Variants in CFAP46 observed in about 807,000 individuals in gnomAD.
CFAP46 encodes the protein cilia- and flagella-associated protein 46.
Under a neutral mutation model 325.7 loss-of-function variants are expected in CFAP46, and 245 were observed. The observed-to-expected ratio is 0.75, with a 90% CI of 0.68 to 0.84. The LOEUF (loss-of-function observed/expected upper bound fraction) is 0.84. Among genes scored for constraint, CFAP46 ranks in the 40% least tolerant of loss-of-function variants. The pLI is 0.00. For missense variants in CFAP46, 3,346 were observed against 3,543.0 expected, an observed-to-expected ratio of 0.94 and a Z score of 1.41; for synonymous variants, 1,523 against 1,495.9, an observed-to-expected ratio of 1.02 and a Z score of -0.42.
At chr10:132,825,722 C>T (rs1275946305) in intron 50 of CFAP46, among the ~76,000 whole-genome samples, 2 of 152,148 alleles carry the variant, frequency 1.3e-5, no homozygotes, top group Admixed American at 1.3e-4. Flanking sequence ...TTCATATAAA[C>T]AATAAAAATT....
intron 22 of CFAP46, among the ~76,000 whole-genome samples, chr10:132,906,259 G>A (rs900969649): frequency 2.6e-5 from 4 of 152,208 alleles, no homozygotes; most frequent in Admixed American, 6.5e-5. Flanking sequence ...GGCAGGGCTC[G>A]CAGCCTCCTG....
intron 50 of CFAP46, among the ~76,000 whole-genome samples, chr10:132,822,007 TGTGCTGATGTGTGCTGTGTGA>T (rs1337888829): frequency 2.1e-5 from 3 of 140,106 alleles, no homozygotes; most frequent in Non-Finnish European, 4.6e-5. Flanking sequence ...GTGTGCTGTG[TGTGCTGATGTGTGCTGTGTGA>T]GTGCTGATGT....
intron 23 of CFAP46, 137 bp from the exon 24 acceptor site, chr10:132,899,258 A>G (rs1849360901): frequency 9.4e-7 from 1 of 1,062,372 alleles, no homozygotes; most frequent in African/African-American, 1.6e-5. Flanking sequence ...CTTGCTCAGG[A>G]GTCCCTGCTG....
chr10:132,941,988 C>G lies in CFAP46; in HGVS notation c.166G>C (p.Ala56Pro), dbSNP rs1850110767. The change falls in exon 2 of 58, where the codon GCC becomes CCC. Residue 56 changes from alanine (A) to proline (P), a missense_variant. By Grantham distance (27) the Ala-to-Pro change is conservative. Coordinates refer to ENST00000368586, the MANE Select transcript of CFAP46 (RefSeq NM_001200049.3). ...TCCCGGGAACTAGTTACCTTCAGGG[C>G]CTGCTCTGCACACAGAACAAACAGG... ...PDLFVLCAEQ[A>P]LKMRQPEVSE... The G allele has an allele frequency of 6.4e-7, 1 of 1,551,730 alleles. No homozygotes were observed. Among genetic ancestry groups the G allele is most frequent in the African/African-American group, 1.4e-5 (1 of 73,056 alleles).
chr10:132,835,281 G>T (rs1396773448), intron 47 of CFAP46, 23 bp downstream of exon 47: 2 of 1,610,168 alleles, frequency 1.2e-6, no homozygotes, highest in Non-Finnish European at 1.7e-6. Context: ...CGGCTGGGTG[G>T]CTTGGAGCCT....
chr10:132,835,911 C>T (rs1406097340), intron 46 of CFAP46, among the ~76,000 whole-genome samples: 17 of 118,438 alleles, frequency 1.4e-4, no homozygotes, highest in African/African-American at 3.9e-4. Context: ...CCGTCCCCTC[C>T]GCTCCCCTCC....
intron 8 of CFAP46, 111 bp from the exon 9 acceptor site, chr10:132,929,915 A>G: frequency 1.3e-6 from 1 of 758,230 alleles, no homozygotes; most frequent in Admixed American, 2.8e-5. Context: ...TAAAGGTAGG[A>G]TAAGAAATAA....
chr10:132,936,911 C>T (rs1458850870), intron 7 of CFAP46, 50 bp downstream of exon 7: 1 of 1,197,356 alleles, frequency 8.4e-7, no homozygotes, highest in Admixed American at 2.1e-5. Flanking sequence ...CTCTCCCAAG[C>T]CCAGCACTTG....
At chr10:132,915,980 G>A (rs1428445025) in intron 17 of CFAP46, among the ~76,000 whole-genome samples, 4 of 152,140 alleles carry the variant, frequency 2.6e-5, no homozygotes, top group Non-Finnish European at 4.4e-5. Context: ...AACCATCATT[G>A]CTGGTACAAG....
In CFAP46 at chr10:132,814,898, C is replaced by A; in HGVS notation, c.7134G>T (p.Lys2378Asn). ...HKEETEGGVK[K>N]EGRSRDPKKR... ...TTTTGGGGTCTCTGCTTCTTCCCTC[C>A]TTTTTCACGCCACCTTCTGTTGAAG... The change falls in exon 51 of 58, where the codon AAG becomes AAT. Residue 2378 changes from lysine (K) to asparagine (N), a missense_variant. Transcript: ENST00000368586. 3 of 1,614,136 alleles carry A rather than the reference C, an allele frequency of 1.9e-6. No homozygotes were observed. Among genetic ancestry groups the A allele is most frequent in the Non-Finnish European group, 2.5e-6 (3 of 1,179,998 alleles).
rs1849492873 is a variant in CFAP46, at chr10:132,908,537, T to C, written c.2855A>G (p.His952Arg). 1.3e-6 allele frequency: 2 copies of C among 1,550,582 alleles called. No individual in the cohort carries two copies. The highest frequency in any genetic ancestry group is 1.7e-6 in the Non-Finnish European group (2 of 1,146,998). The change falls in exon 22 of 58, where the codon CAT becomes CGT. Residue 952 changes from histidine (H) to arginine (R), a missense_variant. By Grantham distance (29) the His-to-Arg change is conservative. Transcript: ENST00000368586. ...GTGAGCACAGGCCATGGTGGTCTCA[T>C]GGTCACGCGCTGCATGGGCGAAGTG... is the stretch of plus-strand genomic sequence containing the variant. ...LTHFAHAARD[H>R]ETTMACAHRA...
Position 132,924,468 on chromosome 10 carries a change from G to A in CFAP46, c.1256+228C>T, listed in dbSNP as rs151005710. ...GGAGGCTCGAGGGACACAGATGCCCGTGAGGCAAGGCCGAGCCTGCTTCTT... is the reference window on the plus strand; with the variant it reads ...GGAGGCTCGAGGGACACAGATGCCCATGAGGCAAGGCCGAGCCTGCTTCTT... On this transcript the variant is annotated intron_variant, in intron 11 of 57. Transcript: ENST00000368586. 3.0e-3 allele frequency among the ~76,000 whole-genome samples: 453 copies of A among 152,296 alleles called. 1 individual carries two copies. Among genetic ancestry groups the A allele is most frequent in the African/African-American group, 8.5e-3 (352 of 41,564 alleles).
chr10:132,922,190 T>C lies in CFAP46; in HGVS notation c.1520A>G (p.Lys507Arg). The change falls in exon 13 of 58, where the codon AAG becomes AGG. Residue 507 changes from lysine (K) to arginine (R), a missense_variant. Lys to Arg is a conservative substitution (Grantham distance 26). Transcript: ENST00000368586. The stretch of plus-strand genomic sequence containing the variant: ...TGCATTCACCAGGAGGGCCCGCTTC[T>C]TCCTGACGCTGTCCTTTGGTGTAGC... The part of the protein sequence containing the change: ...KKATPKDSVR[K>R]KRALLVNAGL... The C allele has an allele frequency of 4.5e-6, 7 of 1,550,516 alleles. No individual in the cohort carries two copies. Among genetic ancestry groups the C allele is most frequent in the Non-Finnish European group, 6.1e-6 (7 of 1,146,928 alleles).
At chr10:132,809,560 C>T (rs1847536439) in intron 57 of CFAP46, among the ~76,000 whole-genome samples, 1 of 152,150 alleles carries the variant, frequency 6.6e-6, no homozygotes, top group Non-Finnish European at 1.5e-5. Context: ...ACGATAAGCT[C>T]CTGGTGAGCG....
intron 50 of CFAP46, among the ~76,000 whole-genome samples, chr10:132,818,162 T>G (rs1032388491): frequency 2.6e-5 from 4 of 152,202 alleles, no homozygotes; most frequent in East Asian, 3.9e-4. Flanking sequence ...GGGCTGCTGC[T>G]TTCCTTTTCT....
intron 19 of CFAP46, among the ~76,000 whole-genome samples, chr10:132,912,134 C>A (rs1218436693): frequency 2.9e-5 from 4 of 135,732 alleles, no homozygotes; most frequent in Admixed American, 1.4e-4. Context: ...ACCCCCCCAC[C>A]CCCACATCTC....
At chr10:132,860,595 C>T (rs961562842) in intron 36 of CFAP46, 72 bp from the exon 37 acceptor site, 11 of 1,266,008 alleles carry the variant, frequency 8.7e-6, no homozygotes, top group African/African-American at 3.0e-5. Context: ...TGAGGACGGG[C>T]GGGCAGGGAC....
At chr10:132,866,201 G>A (rs867927617) in intron 34 of CFAP46, 30 bp from the exon 35 acceptor site, 14 of 1,482,460 alleles carry the variant, frequency 9.4e-6, no homozygotes, top group South Asian at 2.8e-5. Context: ...CAGGCGGCAC[G>A]ATCCTGACAC....
chr10:132,920,010 G>A (rs1323135788), intron 14 of CFAP46, 49 bp downstream of exon 14: 17 of 1,451,162 alleles, frequency 1.2e-5, no homozygotes, highest in South Asian at 2.9e-5. Flanking sequence ...CGGGCTGAGC[G>A]ACCCCCGGGC....
Sources: gnomAD v4.1 joint callset for allele counts (sites outside exome capture counted in the v4.1 genomes callset) on GRCh38, gnomAD v4.1.1 for gene constraint, MANE v1.5 for transcripts, NCBI Gene and HGNC (gene_info 2026-07-23, HGNC 2026-07-21) for gene names.